The following ABHD6 variants were observed in gnomAD, a reference collection of about 807,000 sequenced individuals.
ABHD6 encodes monoacylglycerol lipase ABHD6.
ABHD6 carries 33 observed loss-of-function variants against 38.8 expected under a neutral mutation model. The observed-to-expected ratio is 0.85, with a 90% CI of 0.64 to 1.14. The LOEUF is 1.14. Among genes scored for constraint, ABHD6 ranks in the 50% most tolerant of loss-of-function variants. ABHD6 has a pLI of 0.00. For synonymous variants in ABHD6, 147 were observed against 161.6 expected (o/e 0.91, Z 0.69); for missense variants, 380 against 422.6 (o/e 0.90, Z 0.88).
At chr3:58,279,810 G>A (rs1375377257) in intron 7 of ABHD6, among the ~76,000 whole-genome samples, 1 of 152,160 alleles carries the variant, frequency 6.6e-6, no homozygotes, top group African/African-American at 2.4e-5. Context: ...CTCAGCGTTT[G>A]CTTGTCTGTA....
intron 3 of ABHD6, among the ~76,000 whole-genome samples, chr3:58,260,934 C>A (rs548892326): frequency 6.6e-6 from 1 of 152,098 alleles, no homozygotes; most frequent in Non-Finnish European, 1.5e-5. Context: ...TCTAAGTGTC[C>A]CTGGAGCATG....
intron 1 of ABHD6, among the ~76,000 whole-genome samples, chr3:58,247,041 T>C (rs2107419346): frequency 1.3e-5 from 1 of 79,100 alleles, no homozygotes; most frequent in South Asian, 7.9e-4. Context: ...TAATGGGCCT[T>C]TTTTTTTTTT....
rs556268956 is a variant in ABHD6 at position 58,249,035 on chromosome 3, A to G, written c.-90-843A>G. The stretch of plus-strand genomic sequence containing the variant: ...GTTCAGATCATTTGCTCATTTTTCT[A>G]TTAGGTTTTGTTGTTATTGGTCTTG... On this transcript the variant is annotated intron_variant, in intron 1 of 9. Transcript: ENST00000478253. Among the ~76,000 whole-genome samples the G allele has an allele frequency of 6.2e-4, 95 of 152,154 alleles. 1 individual carries two copies. The highest frequency in any genetic ancestry group is 2.1e-3 in the African/African-American group (87 of 41,490).
At chr3:58,260,149 A>G (rs1304801131) in intron 3 of ABHD6, among the ~76,000 whole-genome samples, 1 of 152,204 alleles carries the variant, frequency 6.6e-6, no homozygotes, top group Non-Finnish European at 1.5e-5. Context: ...ATAGCAAATA[A>G]TTCACTTTTA....
intron 1 of ABHD6, among the ~76,000 whole-genome samples, 153 bp from the exon 2 acceptor site, chr3:58,249,725 A>G (rs1301645803): frequency 6.6e-6 from 1 of 152,240 alleles, no homozygotes; most frequent in Non-Finnish European, 1.5e-5. Flanking sequence ...CAAGAGGCAT[A>G]GTATAAAGCC....
chr3:58,241,373 T>C (rs1393237468), intron 1 of ABHD6, among the ~76,000 whole-genome samples: 1 of 152,100 alleles, frequency 6.6e-6, no homozygotes, highest in Non-Finnish European at 1.5e-5. Flanking sequence ...TGTGGCTGGA[T>C]GGGTTTGGGG....
chr3:58,246,301 C>A (rs2097426345), intron 1 of ABHD6, among the ~76,000 whole-genome samples: 1 of 152,190 alleles, frequency 6.6e-6, no homozygotes. Flanking sequence ...CCCATCCTGA[C>A]AAAAGAGGCT....
At position 58,257,464 on chromosome 3, in the gene ABHD6, G is replaced by A. The variant is rs1305582605; in HGVS notation, c.119+759G>A. Among the ~76,000 whole-genome samples, 1 of 151,932 alleles carries A rather than the reference G, an allele frequency of 6.6e-6. No individual in the cohort carries two copies. The highest frequency in any genetic ancestry group is 2.4e-5 in the African/African-American group (1 of 41,380). On this transcript the variant is annotated intron_variant, in intron 3 of 9. Transcript: ENST00000478253. This position sits in a 1 kb window ranked among gnomAD's most constrained non-coding sequence, Gnocchi z 4.8. ...TGCAACCTCTGCCTCCCAGGCTCAA[G>A]CGATTCTCTTGCCTCAGCCTCCCAA... is the stretch of plus-strand genomic sequence containing the variant.
rs138686329 is a variant in ABHD6, at chr3:58,267,940, G to A, written c.276+595G>A. 4.0e-3 allele frequency among the ~76,000 whole-genome samples: 610 copies of A among 152,226 alleles called. 6 individuals carry two copies. The highest frequency in any genetic ancestry group is 0.014 in the African/African-American group (567 of 41,536). On this transcript the variant is annotated intron_variant, in intron 4 of 9. Coordinates refer to ENST00000478253, the MANE Select transcript of ABHD6 (RefSeq NM_001320126.2). The surrounding 1 kb of genome is among the most constrained non-coding windows in gnomAD (Gnocchi z 4.3). ...ACAAAAAAATTAGCCAGGCATGGTG[G>A]CATGCACCTGTAGTCCCAGCTACTT...
chr3:58,281,188 A>G (rs974535131), intron 7 of ABHD6, among the ~76,000 whole-genome samples: 1 of 152,242 alleles, frequency 6.6e-6, no homozygotes. Flanking sequence ...TGTTCAGCTA[A>G]GCCCTGCCCA....
In ABHD6 at chr3:58,274,695, G is replaced by A; in HGVS notation, c.561G>A (p.Arg187=). ...CAACTGACAATCAATTTGTACAACG[G>A]CTCAAAGAACTGCAGGGCTCTGCCG... ...QYSTDNQFVQ[R]LKELQGSAAV... The change falls in exon 7 of 10, where the codon CGG becomes CGA. Residue 187 remains arginine, a synonymous_variant. Transcript: ENST00000478253. The A allele has an allele frequency of 6.2e-7, 1 of 1,614,198 alleles. No individual in the cohort carries two copies. The highest frequency in any genetic ancestry group is 1.1e-5 in the South Asian group (1 of 91,080).
rs1238604357 is a variant in ABHD6 at position 58,238,727 on chromosome 3, T to C, written c.-91+811T>C. ...ACTGTGCATGCAGAGAATATGTATT[T>C]TGAGCCCTTTGTATGCCCCAGGAGC... On this transcript the variant is annotated intron_variant, in intron 1 of 9. Transcript: ENST00000478253. The surrounding 1 kb of genome is among the most constrained non-coding windows in gnomAD (Gnocchi z 6.9). 1 of 152,310 alleles carries C rather than the reference T, an allele frequency of 6.6e-6. No homozygotes were observed. Among genetic ancestry groups the C allele is most frequent in the African/African-American group, 2.4e-5 (1 of 41,442 alleles). The allele number at this position is 152,310 out of a possible 1,614,324, so 9.4% of individuals were successfully genotyped here.
At chr3:58,278,942 T>G (rs1477760056) in intron 7 of ABHD6, among the ~76,000 whole-genome samples, 1 of 152,222 alleles carries the variant, frequency 6.6e-6, no homozygotes, top group Non-Finnish European at 1.5e-5. Flanking sequence ...GAGCTCTAAT[T>G]TGATCGCACT....
intron 9 of ABHD6, among the ~76,000 whole-genome samples, chr3:58,289,956 T>C (rs1284075636): frequency 2.2e-5 from 3 of 135,678 alleles, no homozygotes; most frequent in African/African-American, 9.0e-5. Context: ...GAGGCGCCCC[T>C]CACCTCCCGG....
chr3:58,254,252 T>A (rs2097431741), intron 2 of ABHD6, among the ~76,000 whole-genome samples: 1 of 152,188 alleles, frequency 6.6e-6, no homozygotes, highest in Admixed American at 6.5e-5. Flanking sequence ...TTGCCTTTCC[T>A]ATGTGACAGG....
At chr3:58,290,157 C>A (rs1490584534) in intron 9 of ABHD6, among the ~76,000 whole-genome samples, 3 of 104,512 alleles carry the variant, frequency 2.9e-5, no homozygotes, top group East Asian at 3.4e-4. Flanking sequence ...GGCGGCTGGC[C>A]GGGCGGGGGG....
At chr3:58,258,321 T>C in intron 3 of ABHD6, 2 of 424,662 alleles carry the variant, frequency 4.7e-6, no homozygotes. Flanking sequence ...AAAAAATATG[T>C]ATATATATCA....
At chr3:58,261,266 T>C (rs2107442916) in intron 3 of ABHD6, among the ~76,000 whole-genome samples, 1 of 152,200 alleles carries the variant, frequency 6.6e-6, no homozygotes, top group East Asian at 1.9e-4. Flanking sequence ...AATCTGACAT[T>C]GTTTGCAGAT....
rs1322659828 is a variant in ABHD6, at chr3:58,294,699, T to G, written c.*934T>G. The G allele has an allele frequency of 6.6e-6, 1 of 152,648 alleles. No individual in the cohort carries two copies. Among genetic ancestry groups the G allele is most frequent in the Non-Finnish European group, 1.5e-5 (1 of 68,046 alleles). The allele number at this position is 152,648 out of a possible 1,614,324, so 9.5% of individuals were successfully genotyped here. On this transcript the variant is annotated 3_prime_UTR_variant, in exon 10 of 10. Coordinates refer to ENST00000478253, the MANE Select transcript of ABHD6 (RefSeq NM_001320126.2). ...TAAACAGCTGTAAAAGTGACCACAA[T>G]GACATGAAATAAATTTAATAAGTCT...
Sources: allele counts gnomAD v4.1 joint callset (sites outside exome capture counted in the v4.1 genomes callset), GRCh38; gene constraint gnomAD v4.1.1; non-coding constraint Gnocchi (gnomAD v3.1); transcripts MANE v1.5; gene names NCBI Gene and HGNC (gene_info 2026-07-23, HGNC 2026-07-21).